Variants in TMEM132D observed in about 807,000 individuals in gnomAD.
The protein encoded by TMEM132D is mature OL transmembrane protein.
A neutral mutation model predicts 62.3 loss-of-function variants in TMEM132D; 21 were observed. That is an observed-to-expected ratio of 0.34 (90% CI 0.24 to 0.49). TMEM132D has a LOEUF of 0.49. Ranked by LOEUF, TMEM132D falls within the 20% of genes least tolerant of loss-of-function variation. The pLI, the probability that TMEM132D is intolerant of heterozygous loss-of-function variation, is 0.99. For synonymous variants in TMEM132D, 621 were observed against 575.6 expected (o/e 1.08, Z -1.13); for missense variants, 1,346 against 1,402.8 (o/e 0.96, Z 0.65).
At chr12:129,276,274 A>T (rs1881006364) in intron 4 of TMEM132D, among the ~76,000 whole-genome samples, 4 of 152,206 alleles carry the variant, frequency 2.6e-5, no homozygotes, top group Admixed American at 2.6e-4. Flanking sequence ...TTGCCACCTA[A>T]GGCACCATTT....
chr12:129,515,392 G>C (rs1195205372), intron 3 of TMEM132D, among the ~76,000 whole-genome samples: 1 of 152,100 alleles, frequency 6.6e-6, no homozygotes, highest in African/African-American at 2.4e-5. Flanking sequence ...GAACAAATTG[G>C]TAGGGCACTA....
At chr12:129,613,398 G>A (rs1330803940) in intron 2 of TMEM132D, among the ~76,000 whole-genome samples, 1 of 152,170 alleles carries the variant, frequency 6.6e-6, no homozygotes, top group Non-Finnish European at 1.5e-5. Context: ...CATGCAAACA[G>A]AGAATGACAG....
chr12:129,424,135 T>G (rs1010264235), intron 3 of TMEM132D, among the ~76,000 whole-genome samples: 2 of 151,702 alleles, frequency 1.3e-5, no homozygotes. Context: ...ATAATTCTAA[T>G]GAAATGTAGG....
At chr12:129,132,596 T>C (rs1489456285) in intron 5 of TMEM132D, among the ~76,000 whole-genome samples, 4 of 152,238 alleles carry the variant, frequency 2.6e-5, no homozygotes, top group African/African-American at 9.6e-5. Flanking sequence ...CTCCAATCCC[T>C]GCATTTCACT....
chr12:129,660,859 C>T (rs1880221283), intron 2 of TMEM132D, among the ~76,000 whole-genome samples: 1 of 152,138 alleles, frequency 6.6e-6, no homozygotes. Context: ...CTCTCATGTT[C>T]TCAAATAGAC....
In TMEM132D at chr12:129,700,140, C is replaced by T. The variant is rs531652243; in HGVS notation, c.638G>A (p.Arg213Lys). ...FSPPTVVAGRRKSVDQPEGTP... is the reference protein window; with the variant it reads ...FSPPTVVAGRKKSVDQPEGTP... ...CCCCTCCGGCTGGTCCACGGACTTC[C>T]TCCTCCCGGCAACCACCGTGGGGGG... is the stretch of plus-strand genomic sequence containing the variant. The change falls in exon 2 of 9, where the codon AGG becomes AAG. Residue 213 changes from arginine (R) to lysine (K), a missense_variant. Coordinates refer to ENST00000422113, the MANE Select transcript of TMEM132D (RefSeq NM_133448.3). 21 of 1,613,136 alleles carry T rather than the reference C, an allele frequency of 1.3e-5. No individual in the cohort carries two copies. The highest frequency in any genetic ancestry group is 1.6e-4 in the Middle Eastern group (1 of 6,062).
chr12:129,243,162 G>T (rs553985648), intron 4 of TMEM132D, among the ~76,000 whole-genome samples: 1 of 152,274 alleles, frequency 6.6e-6, no homozygotes, highest in African/African-American at 2.4e-5. Flanking sequence ...GCCTTCTCAG[G>T]TCAAAAATAA....
In TMEM132D at chr12:129,651,064, C is replaced by T. The variant is rs140124088; in HGVS notation, c.968+48746G>A. Reference sequence around the variant, plus strand: ...GTGTTCCTTATCTATTTATCAATCCCGGGTAATGAATGAAGCTTTGACTAG... The same window carrying T: ...GTGTTCCTTATCTATTTATCAATCCTGGGTAATGAATGAAGCTTTGACTAG... On this transcript the variant is annotated intron_variant, in intron 2 of 8. Coordinates refer to ENST00000422113, the MANE Select transcript of TMEM132D (RefSeq NM_133448.3). 3.2e-3 allele frequency among the ~76,000 whole-genome samples: 484 copies of T among 152,206 alleles called. 1 individual carries two copies. Among genetic ancestry groups the T allele is most frequent in the African/African-American group, 0.011 (449 of 41,522 alleles).
intron 3 of TMEM132D, among the ~76,000 whole-genome samples, chr12:129,443,353 A>C (rs1193058111): frequency 1.3e-5 from 2 of 152,182 alleles, no homozygotes; most frequent in Non-Finnish European, 2.9e-5. Context: ...GGGCATCGCA[A>C]GTCTCTAGTA....
In TMEM132D at chr12:129,832,035, C is replaced by CTTTTTTTT. The variant is rs71085577; in HGVS notation, c.79+71218_79+71225dup. The stretch of plus-strand genomic sequence containing the variant: ...CAGGCACCTGCCACCATGCCCGGCT[C>CTTTTTTTT]TTTTTTTTTTTTTTTTTTTTTTTTT... On this transcript the variant is annotated intron_variant, in intron 1 of 8. Transcript: ENST00000422113. Among the ~76,000 whole-genome samples, 234 of 94,120 alleles carry CTTTTTTTT rather than the reference C, an allele frequency of 2.5e-3. 11 individuals carry two copies. Among genetic ancestry groups the CTTTTTTTT allele is most frequent in the Non-Finnish European group, 3.7e-3 (192 of 52,284 alleles). 61.7% of individuals were successfully genotyped at this position (94,120 alleles called of 152,430 possible). A position where few individuals can be genotyped will look rare whatever the true frequency, so the allele number is the denominator to read the frequency against.
rs1881908309 is a variant in TMEM132D, at chr12:129,308,999, G to A, written c.1299+28635C>T. 5.3e-5 allele frequency among the ~76,000 whole-genome samples: 8 copies of A among 152,238 alleles called. No homozygotes were observed. The South Asian group carries it at 1.5e-3, about 28-fold the overall frequency. ...GGTAAGCTGCTCATGTGAGCAAAAC[G>A]CCAAACACCCTTGGTCTTCATAATC... is the stretch of plus-strand genomic sequence containing the variant. On this transcript the variant is annotated intron_variant, in intron 4 of 8. Transcript: ENST00000422113.
intron 3 of TMEM132D, among the ~76,000 whole-genome samples, chr12:129,416,235 G>A (rs1267727687): frequency 6.6e-6 from 1 of 152,168 alleles, no homozygotes; most frequent in Non-Finnish European, 1.5e-5. Context: ...ATTTCCTTGA[G>A]CAGTGGTTTG....
At chr12:129,541,155 A>G (rs1876572564) in intron 2 of TMEM132D, among the ~76,000 whole-genome samples, 1 of 152,210 alleles carries the variant, frequency 6.6e-6, no homozygotes, top group African/African-American at 2.4e-5. Context: ...GCTACTTAGA[A>G]CCACTTACCT....
chr12:129,564,508 C>G (rs1427368513), intron 2 of TMEM132D, among the ~76,000 whole-genome samples: 1 of 152,172 alleles, frequency 6.6e-6, no homozygotes, highest in Non-Finnish European at 1.5e-5. Context: ...TTATCTTGAG[C>G]GTCTGCTATT....
intron 1 of TMEM132D, among the ~76,000 whole-genome samples, chr12:129,807,137 G>A (rs1381928281): frequency 6.6e-6 from 1 of 152,204 alleles, no homozygotes; most frequent in African/African-American, 2.4e-5. Flanking sequence ...ATTCCCTTGA[G>A]CACACAGGAT....
chr12:129,513,804 T>TTTA (rs1875572420), intron 3 of TMEM132D, among the ~76,000 whole-genome samples: 13 of 133,992 alleles, frequency 9.7e-5, no homozygotes, highest in South Asian at 2.5e-4. Context: ...CAATTTTTAT[T>TTTA]TTTATTTATT....
intron 3 of TMEM132D, among the ~76,000 whole-genome samples, chr12:129,411,106 T>C (rs1381614118): frequency 6.6e-6 from 1 of 152,218 alleles, no homozygotes; most frequent in Non-Finnish European, 1.5e-5. Context: ...TTTATTAATT[T>C]TTCTGTCTGC....
intron 2 of TMEM132D, among the ~76,000 whole-genome samples, chr12:129,601,381 T>C (rs1298047928): frequency 1.3e-5 from 2 of 152,248 alleles, no homozygotes; most frequent in Non-Finnish European, 2.9e-5. Flanking sequence ...GCAAGAAGGT[T>C]GTTTCACTTT....
At chr12:129,822,173 C>T (rs1593175523) in intron 1 of TMEM132D, among the ~76,000 whole-genome samples, 1 of 151,982 alleles carries the variant, frequency 6.6e-6, no homozygotes, top group Non-Finnish European at 1.5e-5. Context: ...AGAGGGTGAC[C>T]AGGGGCACCG....
Sources: gnomAD v4.1 joint callset for allele counts (sites outside exome capture counted in the v4.1 genomes callset) on GRCh38, gnomAD v4.1.1 for gene constraint, MANE v1.5 for transcripts, NCBI Gene and HGNC (gene_info 2026-07-23, HGNC 2026-07-21) for gene names.